The following TEKT4 variants were observed in gnomAD, a reference collection of about 807,000 sequenced individuals.
TEKT4 encodes tektin 4, also known as tektin-4.
Under a neutral mutation model 46.0 loss-of-function variants are expected in TEKT4, and 46 were observed. That is an observed-to-expected ratio of 1.00 (90% CI 0.79 to 1.28). The LOEUF (loss-of-function observed/expected upper bound fraction) is 1.28, where lower values mean the gene tolerates loss of function less well. Ranked by LOEUF, TEKT4 falls within the 50% of genes most tolerant of loss-of-function variation. The pLI, the probability that TEKT4 is intolerant of heterozygous loss-of-function variation, is 0.00. For synonymous variants in TEKT4, 325 were observed against 265.8 expected (o/e 1.22, Z -2.17); for missense variants, 790 against 622.9 (o/e 1.27, Z -2.85).
intron 3 of TEKT4, 24 bp from the exon 4 acceptor site, chr2:94,874,752 T>A: frequency 6.5e-7 from 1 of 1,533,850 alleles, no homozygotes; most frequent in Non-Finnish European, 8.8e-7. Context: ...CCCGACCCTC[T>A]CCTGGCTGTC....
intron 4 of TEKT4, among the ~76,000 whole-genome samples, chr2:94,875,308 C>A (rs1345270339): frequency 1.3e-5 from 2 of 152,150 alleles, no homozygotes. Flanking sequence ...TGGCCTTTAC[C>A]ACCTCTGAGT....
chr2:94,874,203 C>T (rs782699733), intron 3 of TEKT4, 95 bp downstream of exon 3: 63 of 1,406,496 alleles, frequency 4.5e-5, no homozygotes, highest in Middle Eastern at 2.5e-4. Flanking sequence ...CAGCCTGGCC[C>T]GGAGGCCCTC....
At position 94,876,655 on chromosome 2, in the gene TEKT4, G is replaced by A. The variant is rs1324190552; in HGVS notation, c.1194G>A (p.Met398Ile). ...TGCGCAACCTCGAGGACATCCACATGAGCCTGGAGAAGGACATTGCCGCCA... is the reference window on the plus strand; with the variant it reads ...TGCGCAACCTCGAGGACATCCACATAAGCCTGGAGAAGGACATTGCCGCCA... The part of the protein sequence containing the change: ...QSLRNLEDIH[M>I]SLEKDIAAMT... Residue 398 changes from methionine to isoleucine, a missense_variant, in exon 6 of 6, where the codon ATG becomes ATA. By Grantham distance (10) the Met-to-Ile change is conservative. Transcript: ENST00000295201. 21 of 1,613,308 alleles carry A rather than the reference G, an allele frequency of 1.3e-5. No individual in the cohort carries two copies. Among genetic ancestry groups the A allele is most frequent in the Non-Finnish European group, 1.7e-5 (20 of 1,180,002 alleles).
rs1290667397 is a variant in TEKT4 at position 94,875,066 on chromosome 2, C to T, written c.936+68C>T. On this transcript the variant is annotated intron_variant, in intron 4 of 5. Coordinates refer to ENST00000295201, the MANE Select transcript of TEKT4 (RefSeq NM_144705.4). The stretch of plus-strand genomic sequence containing the variant: ...TGGCCTGGGCCCTCAACACCTTTCT[C>T]CTCTGTCCCATTTATCCCGAGGGAC... The T allele has an allele frequency of 1.7e-5, 25 of 1,454,378 alleles. No homozygotes were observed. The African/African-American group carries it at 3.1e-4, about 18-fold the overall frequency. The allele number at this position is 1,454,378 out of a possible 1,614,324, so 90.1% of individuals were successfully genotyped here.
intron 4 of TEKT4, 41 bp from the exon 5 acceptor site, chr2:94,875,547 G>A (rs782508672): frequency 6.2e-7 from 1 of 1,612,350 alleles, no homozygotes; most frequent in Non-Finnish European, 8.5e-7. Flanking sequence ...ATATACCCGG[G>A]CATGGGGGCA....
rs375220503 is a variant in TEKT4 at position 94,875,668 on chromosome 2, C to T, written c.1017C>T (p.His339=). 9.3e-6 allele frequency: 15 copies of T among 1,614,196 alleles called. No individual in the cohort carries two copies. The highest frequency in any genetic ancestry group is 1.7e-4 in the Middle Eastern group (1 of 6,060). ...TCAAGGACAAAGAGGCACCTCTGCA[C>T]GTAGCCCAGACCCGGCTGTACCTGC... ...QAIKDKEAPL[H]VAQTRLYLRS... is the part of the protein sequence containing the mutation. The change falls in exon 5 of 6, where the codon CAC becomes CAT. Residue 339 remains histidine (H), a synonymous_variant. Coordinates refer to ENST00000295201, the MANE Select transcript of TEKT4 (RefSeq NM_144705.4).
chr2:94,871,926 C>A lies in TEKT4; in HGVS notation c.347C>A (p.Thr116Asn), dbSNP rs1553394670. Residue 116 changes from threonine (T) to asparagine (N), a missense_variant, in exon 1 of 6, where the codon ACC becomes AAC. By Grantham distance (65) the Thr-to-Asn change is moderately conservative. Coordinates refer to ENST00000295201, the MANE Select transcript of TEKT4 (RefSeq NM_144705.4). ...QREMEALAAETNLLLAQKQRL... is the reference protein window; with the variant it reads ...QREMEALAAENNLLLAQKQRL... Reference sequence around the variant, plus strand: ...GAGATGGAGGCGCTGGCTGCGGAGACCAACTTGCTCCTGGCCCAGAAGCAA... The same window carrying A: ...GAGATGGAGGCGCTGGCTGCGGAGAACAACTTGCTCCTGGCCCAGAAGCAA... 3.1e-6 allele frequency: 5 copies of A among 1,599,006 alleles called. No individual in the cohort carries two copies. The South Asian group carries it at 4.5e-5, about 14-fold the overall frequency.
At chr2:94,873,011 TCA>T (rs1553395145) in intron 1 of TEKT4, 2 of 1,289,204 alleles carry the variant, frequency 1.6e-6, no homozygotes, top group Admixed American at 2.3e-5. Flanking sequence ...AAGACCCCAA[TCA>T]CAGAGAAAAG....
Position 94,875,739 on chromosome 2 carries a change from T to C in TEKT4, c.1088T>C (p.Phe363Ser). ...NMELCRDAAQ[F>S]RLLSEVEELN... ...GAGCTGTGCCGTGACGCAGCCCAGT[T>C]CAGGTGCTGCCTGGGCCTCTGAGGC... is the stretch of plus-strand genomic sequence containing the variant. Residue 363 changes from phenylalanine (F) to serine (S), a missense_variant, in exon 5 of 6, where the codon TTC becomes TCC. Phe to Ser is a radical substitution (Grantham distance 155). Coordinates refer to ENST00000295201, the MANE Select transcript of TEKT4 (RefSeq NM_144705.4). 1 of 1,613,546 alleles carries C rather than the reference T, an allele frequency of 6.2e-7. No homozygotes were observed.
intron 1 of TEKT4, chr2:94,872,679 A>T: frequency 2.0e-6 from 1 of 508,684 alleles, no homozygotes; most frequent in Non-Finnish European, 3.1e-6. Flanking sequence ...CCTGAGAACC[A>T]CTACAGGCCT....
At chr2:94,876,501 T>A in intron 5 of TEKT4, 52 bp from the exon 6 acceptor site, 1 of 1,516,536 alleles carries the variant, frequency 6.6e-7, no homozygotes, top group East Asian at 2.4e-5. Context: ...CCCCGGTAGG[T>A]GCATACTTCT....
At chr2:94,873,632 C>A in intron 2 of TEKT4, 42 bp downstream of exon 2, 15 of 1,611,186 alleles carry the variant, frequency 9.3e-6, no homozygotes, top group Non-Finnish European at 1.3e-5. Flanking sequence ...TGACCCTACC[C>A]ACAGCTGGTC....
intron 1 of TEKT4, chr2:94,873,224 G>C (rs1449673575): frequency 4.7e-6 from 6 of 1,285,318 alleles, no homozygotes; most frequent in Non-Finnish European, 4.0e-6. Context: ...CAGGTGCACT[G>C]AGTGAGCAGC....
At position 94,874,213 on chromosome 2, in the gene TEKT4, C is replaced by T. The variant is rs114048119; in HGVS notation, c.713+105C>T. Reference sequence around the variant, plus strand: ...TTCACCAGCCTGGCCCGGAGGCCCTCGCCCCCGAGGGCACTTGGGCAACTG... The same window carrying T: ...TTCACCAGCCTGGCCCGGAGGCCCTTGCCCCCGAGGGCACTTGGGCAACTG... On this transcript the variant is annotated intron_variant, in intron 3 of 5. Transcript: ENST00000295201. 2.3e-3 allele frequency: 3,082 copies of T among 1,323,754 alleles called. 62 individuals are homozygous for T. In the African/African-American group the frequency reaches 0.04, roughly 17 times the overall value. The allele number at this position is 1,323,754 out of a possible 1,614,324, so 82.0% of individuals were successfully genotyped here. A position where few individuals can be genotyped will look rare whatever the true frequency, so the allele number is the denominator to read the frequency against.
At chr2:94,875,523 G>A in intron 4 of TEKT4, 65 bp from the exon 5 acceptor site, 1 of 1,599,728 alleles carries the variant, frequency 6.3e-7, no homozygotes, top group Non-Finnish European at 8.5e-7. Context: ...GGACCAGCCT[G>A]GTCTCGGCGT....
intron 2 of TEKT4, 123 bp from the exon 3 acceptor site, chr2:94,873,842 C>A (rs1680694140): frequency 9.2e-6 from 13 of 1,406,122 alleles, no homozygotes; most frequent in Non-Finnish European, 1.3e-5. Context: ...CGAGGGCTGC[C>A]CGGGACAGGC....
Position 94,873,693 on chromosome 2 carries a change from G to T in TEKT4, c.569+103G>T, listed in dbSNP as rs1680685846. 26 of 1,489,562 alleles carry T rather than the reference G, an allele frequency of 1.7e-5. No individual in the cohort carries two copies. The South Asian group carries it at 3.1e-4, about 18-fold the overall frequency. The allele number at this position is 1,489,562 out of a possible 1,614,324, so 92.3% of individuals were successfully genotyped here. On this transcript the variant is annotated intron_variant, in intron 2 of 5. Coordinates refer to ENST00000295201, the MANE Select transcript of TEKT4 (RefSeq NM_144705.4). ...ACCCTGAGACTCAGAGCCAGCAGGG[G>T]CTGCCCCAGGTCACAGTGGAGCGCA...
rs2104108815 is a variant in TEKT4 at position 94,874,103 on chromosome 2, A to G, written c.708A>G (p.Gln236=). The G allele has an allele frequency of 5.0e-6, 8 of 1,613,366 alleles. No individual in the cohort carries two copies. The highest frequency in any genetic ancestry group is 2.2e-5 in the South Asian group (2 of 91,076). Residue 236 remains glutamine, a synonymous_variant, in exon 3 of 6, where the codon CAA becomes CAG. Transcript: ENST00000295201. ...VQAHPYSTTF[Q]ESASTPETRA... is the part of the protein sequence containing the mutation. The stretch of plus-strand genomic sequence containing the variant: ...CTCATCCGTACTCCACCACCTTCCA[A>G]GAGAGGTGGGCCCCAGCTCTGCCCC...
chr2:94,873,662 G>A (rs373120199), intron 2 of TEKT4, 72 bp downstream of exon 2: 19 of 1,580,600 alleles, frequency 1.2e-5, no homozygotes, highest in Non-Finnish European at 1.6e-5. Context: ...GGCATTGAAC[G>A]ACAGGACCCT....
Sources: allele counts gnomAD v4.1 joint callset (sites outside exome capture counted in the v4.1 genomes callset), GRCh38; gene constraint gnomAD v4.1.1; transcripts MANE v1.5; gene names NCBI Gene and HGNC (gene_info 2026-07-23, HGNC 2026-07-21).